LRIF1: variants seen among roughly 807,000 people sequenced by gnomAD.
LRIF1 encodes ligand dependent nuclear receptor interacting factor 1, also known as ligand-dependent nuclear receptor-interacting factor 1.
In LRIF1, 32 loss-of-function variants were observed where a neutral mutation model predicts 52.7. That is an observed-to-expected ratio of 0.61 (90% CI 0.46 to 0.82). The LOEUF (loss-of-function observed/expected upper bound fraction) is 0.82, where lower values mean the gene tolerates loss of function less well. Among genes scored for constraint, LRIF1 ranks in the 40% least tolerant of loss-of-function variants. LRIF1 has a pLI of 0.00. For synonymous variants in LRIF1, 323 were observed against 317.4 expected (o/e 1.02, Z -0.19); for missense variants, 887 against 892.0 (o/e 0.99, Z 0.07).
chr1:110,942,327 C>G (rs1449779922), downstream of LRIF1: 1 of 152,054 alleles, frequency 6.6e-6, no homozygotes, highest in Non-Finnish European at 1.5e-5. Context: ...TTGCATACGC[C>G]TAGTTTCAAG....
the LRIF1 span, chr1:110,941,141 T>G: frequency 2.0e-5 from 3 of 152,004 alleles, no homozygotes; most frequent in African/African-American, 7.2e-5. Context: ...ATAAAAAGTT[T>G]AAAGTAAAAA....
chr1:110,900,767 A>AAC, the LRIF1 span, among the ~76,000 whole-genome samples: 30 of 143,710 alleles, frequency 2.1e-4, no homozygotes, highest in African/African-American at 7.7e-4. Context: ...AAAAAAAAAC[A>AAC]AAAAAAAAAG....
intron 1 of LRIF1, among the ~76,000 whole-genome samples, chr1:110,957,399 C>T (rs1400645610): frequency 7.7e-6 from 1 of 129,586 alleles, no homozygotes; most frequent in Non-Finnish European, 1.6e-5. Context: ...AGTGAGGAGG[C>T]GGCGGAGCTT....
At chr1:110,877,967 C>T in the LRIF1 span, among the ~76,000 whole-genome samples, 1 of 152,142 alleles carries the variant, frequency 6.6e-6, no homozygotes, top group Non-Finnish European at 1.5e-5. Context: ...CACATTGCAC[C>T]AAATGAGTTG....
the LRIF1 span, among the ~76,000 whole-genome samples, chr1:110,934,562 C>G: frequency 6.5e-4 from 99 of 152,340 alleles, no homozygotes; most frequent in African/African-American, 2.3e-3. Flanking sequence ...CAGCAGTACT[C>G]TCCATGGCTT....
At chr1:110,882,880 T>C in the LRIF1 span, among the ~76,000 whole-genome samples, 347 of 152,184 alleles carry the variant, frequency 2.3e-3, 1 homozygote, top group South Asian at 4.3e-3. Flanking sequence ...GTGCATAGAA[T>C]GCTATTATTT....
chr1:110,898,902 G>A, the LRIF1 span, among the ~76,000 whole-genome samples: 1 of 152,144 alleles, frequency 6.6e-6, no homozygotes, highest in African/African-American at 2.4e-5. Context: ...ACATGCTCCA[G>A]TACTTTACAG....
At chr1:110,876,930 G>T in the LRIF1 span, among the ~76,000 whole-genome samples, 1 of 152,074 alleles carries the variant, frequency 6.6e-6, no homozygotes, top group African/African-American at 2.4e-5. Context: ...TTTGATTGAT[G>T]CCCTTTCCCC....
the LRIF1 span, among the ~76,000 whole-genome samples, chr1:110,897,494 C>G: frequency 2.0e-5 from 3 of 152,188 alleles, no homozygotes; most frequent in African/African-American, 7.2e-5. Context: ...AATCTCTGGT[C>G]AGCACTGAGT....
chr1:110,902,909 C>A, the LRIF1 span, among the ~76,000 whole-genome samples: 1 of 152,146 alleles, frequency 6.6e-6, no homozygotes, highest in Non-Finnish European at 1.5e-5. Flanking sequence ...TTTTGAATCT[C>A]TAATGCCACC....
At chr1:110,934,133 G>A in the LRIF1 span, among the ~76,000 whole-genome samples, 10 of 152,140 alleles carry the variant, frequency 6.6e-5, no homozygotes, top group Non-Finnish European at 5.9e-5. Context: ...CCCAGTCCTG[G>A]CAGCATTCAT....
chr1:110,949,701 T>C (rs923732464), intron 3 of LRIF1, 150 bp downstream of exon 3: 4 of 899,066 alleles, frequency 4.4e-6, no homozygotes, highest in Non-Finnish European at 6.7e-6. Context: ...GCCTGGTTGT[T>C]TTAAATATCA....
the LRIF1 span, chr1:110,897,900 C>A: frequency 2.6e-6 from 4 of 1,544,506 alleles, no homozygotes; most frequent in South Asian, 2.3e-5. Flanking sequence ...GAGGTAAGAG[C>A]TTAACCACAG....
At chr1:110,919,595 CA>C in the LRIF1 span, among the ~76,000 whole-genome samples, 2 of 151,640 alleles carry the variant, frequency 1.3e-5, no homozygotes, top group South Asian at 2.1e-4. Context: ...AACCTCCAAA[CA>C]AAAAAAAGAT....
At chr1:110,886,846 A>AAGATAG in the LRIF1 span, among the ~76,000 whole-genome samples, 1 of 101,010 alleles carries the variant, frequency 9.9e-6, no homozygotes, top group African/African-American at 3.2e-5. Context: ...CTCTGTCTCC[A>AAGATAG]ATATATATAT....
chr1:110,880,165 G>T, the LRIF1 span: 2 of 152,132 alleles, frequency 1.3e-5, no homozygotes, highest in African/African-American at 2.4e-5. Context: ...GCATCTAAGA[G>T]TCATAGACTT....
chr1:110,888,053 G>T, the LRIF1 span, among the ~76,000 whole-genome samples: 1 of 152,158 alleles, frequency 6.6e-6, no homozygotes, highest in Non-Finnish European at 1.5e-5. Context: ...AAAGCAAGAA[G>T]TTGCACGATG....
downstream of LRIF1, among the ~76,000 whole-genome samples, chr1:110,942,675 A>C (rs1658119866): frequency 6.6e-6 from 1 of 152,118 alleles, no homozygotes; most frequent in South Asian, 2.1e-4. Context: ...GAGACAAAGG[A>C]AAAATTAAGG....
chr1:110,889,173 T>C, the LRIF1 span, among the ~76,000 whole-genome samples: 1 of 152,204 alleles, frequency 6.6e-6, no homozygotes, highest in Non-Finnish European at 1.5e-5. Context: ...TGTCTTACTC[T>C]ATGAGATATT....
Sources: allele counts gnomAD v4.1 joint callset (sites outside exome capture counted in the v4.1 genomes callset), GRCh38; gene constraint gnomAD v4.1.1; transcripts MANE v1.5; gene names NCBI Gene and HGNC (gene_info 2026-07-23, HGNC 2026-07-21).